GPATCH8: variants seen among roughly 807,000 people sequenced by gnomAD.
The protein encoded by GPATCH8 is G patch domain-containing protein 8.
GPATCH8 carries 18 observed loss-of-function variants against 118.3 expected under a neutral mutation model. The observed-to-expected ratio is 0.15, with a 90% CI of 0.11 to 0.23. The LOEUF (loss-of-function observed/expected upper bound fraction) is 0.23, where lower values mean the gene tolerates loss of function less well. Ranked by LOEUF, GPATCH8 falls within the 10% of genes least tolerant of loss-of-function variation. The probability of loss-of-function intolerance (pLI) is 1.00; values close to 1 mark genes in which losing one functional copy is unlikely to be tolerated. For synonymous variants in GPATCH8, 659 were observed against 684.7 expected (o/e 0.96, Z 0.59); for missense variants, 1,631 against 1,873.8 (o/e 0.87, Z 2.39).
chr17:44,447,870 A>G (rs973038752), intron 3 of GPATCH8, among the ~76,000 whole-genome samples: 2 of 152,198 alleles, frequency 1.3e-5, no homozygotes, highest in Non-Finnish European at 2.9e-5. Context: ...ACTTTAAATC[A>G]CTATGCAGAA....
intron 1 of GPATCH8, among the ~76,000 whole-genome samples, chr17:44,485,351 T>TGA (rs1246787656): frequency 3.3e-5 from 5 of 152,156 alleles, no homozygotes; most frequent in Non-Finnish European, 5.9e-5. Flanking sequence ...TGGTCTCAGG[T>TGA]GATCCCCCTG....
intron 3 of GPATCH8, among the ~76,000 whole-genome samples, chr17:44,448,345 C>A (rs541083688): frequency 3.5e-4 from 53 of 151,738 alleles, no homozygotes; most frequent in Non-Finnish European, 5.9e-4. Flanking sequence ...ACAGCTTGAG[C>A]CCTGGAGTTC....
At chr17:44,480,383 C>T (rs1289039761) in intron 1 of GPATCH8, among the ~76,000 whole-genome samples, 1 of 151,780 alleles carries the variant, frequency 6.6e-6, no homozygotes, top group Non-Finnish European at 1.5e-5. Flanking sequence ...AATTCAAGAC[C>T]AGCCTGGCCA....
intron 3 of GPATCH8, among the ~76,000 whole-genome samples, chr17:44,462,478 T>G (rs1056955630): frequency 6.6e-6 from 1 of 152,208 alleles, no homozygotes; most frequent in African/African-American, 2.4e-5. Flanking sequence ...CGAATTGCTC[T>G]TAATCAGAGT....
intron 5 of GPATCH8, among the ~76,000 whole-genome samples, chr17:44,428,937 C>T (rs1025548619): frequency 1.3e-5 from 2 of 151,868 alleles, no homozygotes; most frequent in African/African-American, 2.4e-5. Flanking sequence ...GTCAGGAGAT[C>T]GAGACCATCC....
chr17:44,398,856 C>T lies in GPATCH8; in HGVS notation c.3221G>A (p.Arg1074Lys), dbSNP rs1458857280. The change falls in exon 8 of 8, where the codon AGA becomes AAA. Residue 1074 changes from arginine (R) to lysine (K), a missense_variant. By Grantham distance (26) the Arg-to-Lys change is conservative (BLOSUM62 2). This residue lies in a region of GPATCH8 where 922 missense variants were observed against 879.7 expected (regional missense o/e 1.05). Transcript: ENST00000591680. ...PSQNSNIGTG[R>K]GSEGDCSPED... ...AGGACTGCAGTCACCTTCTGACCCT[C>T]TTCCTGTGCCAATGTTGCTGTTCTG... The T allele has an allele frequency of 2.5e-6, 4 of 1,613,890 alleles. No individual in the cohort carries two copies. In the African/African-American group the frequency reaches 5.3e-5, roughly 22 times the overall value.
intron 6 of GPATCH8, among the ~76,000 whole-genome samples, chr17:44,423,258 G>C (rs1426945031): frequency 6.6e-6 from 1 of 152,098 alleles, no homozygotes; most frequent in East Asian, 1.9e-4. Flanking sequence ...AGAAAAGAAT[G>C]TCCAAAGGTA....
rs928242220 is a variant in GPATCH8, at chr17:44,398,538, C to T, written c.3539G>A (p.Gly1180Glu). 1 of 1,591,526 alleles carries T rather than the reference C, an allele frequency of 6.3e-7. No homozygotes were observed. The highest frequency in any genetic ancestry group is 1.4e-5 in the African/African-American group (1 of 74,024). ...EEQEQSETEE[G>E]PPGSSDALFG... ...TAGGGCATCACTACTCCCTGGGGGC[C>T]CCTCTTCTGTCTCTGACTGTTCTTG... The change falls in exon 8 of 8, where the codon GGG becomes GAG. Residue 1180 changes from glycine (G) to glutamate (E), a missense_variant. Gly to Glu is a moderately conservative substitution (Grantham distance 98). Transcript: ENST00000591680.
chr17:44,442,145 GGAGA>G (rs1305192745), intron 3 of GPATCH8, among the ~76,000 whole-genome samples: 1 of 136,634 alleles, frequency 7.3e-6, no homozygotes, highest in African/African-American at 2.7e-5. Flanking sequence ...AGAGAGAGAA[GGAGA>G]GAGAGAAAGA....
chr17:44,503,304 C>T, intron 1 of GPATCH8, 22 bp downstream of exon 1: 1 of 1,602,860 alleles, frequency 6.2e-7, no homozygotes, highest in South Asian at 1.1e-5. Context: ...TTCCCCGCAT[C>T]CTCGGCGACG....
At chr17:44,406,464 G>A (rs2049224540) in intron 6 of GPATCH8, among the ~76,000 whole-genome samples, 1 of 110,766 alleles carries the variant, frequency 9.0e-6, no homozygotes, top group African/African-American at 3.5e-5. Flanking sequence ...TTACCCAGGT[G>A]TAAGATCTTG....
At chr17:44,481,005 G>T (rs1445082044) in intron 1 of GPATCH8, among the ~76,000 whole-genome samples, 1 of 152,176 alleles carries the variant, frequency 6.6e-6, no homozygotes. Context: ...CCTCCTTGGG[G>T]CTTAAGCAAT....
chr17:44,410,159 G>A (rs867135918), intron 6 of GPATCH8, among the ~76,000 whole-genome samples: 4 of 152,114 alleles, frequency 2.6e-5, no homozygotes, highest in South Asian at 2.1e-4. Context: ...TCAGAGTCAG[G>A]TTTTCCAAAA....
rs185525495 is a variant in GPATCH8, at chr17:44,483,216, T to C, written c.46-8313A>G. ...ATATATATATATATATATATATATA[T>C]ACAGCCTACCTCTCATATCTCTTAG... On this transcript the variant is annotated intron_variant, in intron 1 of 7. Coordinates refer to ENST00000591680, the MANE Select transcript of GPATCH8 (RefSeq NM_001002909.4). Among the ~76,000 whole-genome samples, 274 of 87,600 alleles carry C rather than the reference T, an allele frequency of 3.1e-3. 7 individuals are homozygous for C. The highest frequency in any genetic ancestry group is 9.9e-3 in the African/African-American group (228 of 22,954). The allele number at this position is 87,600 out of a possible 152,430, so 57.5% of individuals were successfully genotyped here.
intron 1 of GPATCH8, among the ~76,000 whole-genome samples, chr17:44,475,195 A>G (rs1314295872): frequency 6.6e-6 from 1 of 151,120 alleles, no homozygotes; most frequent in African/African-American, 2.4e-5. Context: ...CCTGGCCAAA[A>G]TAATGAAACT....
At chr17:44,472,209 G>A (rs1369825671) in intron 2 of GPATCH8, among the ~76,000 whole-genome samples, 4 of 151,978 alleles carry the variant, frequency 2.6e-5, no homozygotes, top group Admixed American at 2.6e-4. Context: ...TCCAGCCTGA[G>A]TACTATATAC....
intron 1 of GPATCH8, among the ~76,000 whole-genome samples, chr17:44,489,580 T>C (rs1969074351): frequency 6.6e-6 from 1 of 152,132 alleles, no homozygotes; most frequent in South Asian, 2.1e-4. Context: ...CCTCAGGTGA[T>C]CCGCCCGCCT....
rs2048918339 is a variant in GPATCH8, at chr17:44,399,416, G to A, written c.2661C>T (p.Arg887=). Residue 887 remains arginine (R), a synonymous_variant, in exon 8 of 8, where the codon CGC becomes CGT. Transcript: ENST00000591680. Reference sequence around the variant, plus strand: ...CACTGTAGCTGTCATCAGAGTAACTGCGCTGTCTACTATAGCAGCTCTGGT... The same window carrying A: ...CACTGTAGCTGTCATCAGAGTAACTACGCTGTCTACTATAGCAGCTCTGGT... ...SSDQSCYSRQ[R]SYSDDSYSDY... 6.2e-7 allele frequency: 1 copy of A among 1,614,072 alleles called. No individual in the cohort carries two copies. Among genetic ancestry groups the A allele is most frequent in the South Asian group, 1.1e-5 (1 of 91,086 alleles).
intron 1 of GPATCH8, among the ~76,000 whole-genome samples, chr17:44,491,436 C>G (rs149466932): frequency 6.9e-6 from 1 of 145,762 alleles, no homozygotes; most frequent in Non-Finnish European, 1.5e-5. Flanking sequence ...TGCAGTGAGC[C>G]GAGATTGCGC....
Sources: allele counts gnomAD v4.1 joint callset (sites outside exome capture counted in the v4.1 genomes callset), GRCh38; gene constraint gnomAD v4.1.1; regional missense constraint gnomAD v4.1.1; transcripts MANE v1.5; gene names NCBI Gene and HGNC (gene_info 2026-07-23, HGNC 2026-07-21).